The following CALB2 variants were observed in gnomAD, a reference collection of about 807,000 sequenced individuals.
CALB2 encodes calretinin.
CALB2 carries 34 observed loss-of-function variants against 45.9 expected under a neutral mutation model. That is an observed-to-expected ratio of 0.74 (90% CI 0.56 to 0.99). CALB2 has a LOEUF of 0.99. Among genes scored for constraint, CALB2 ranks in the 50% least tolerant of loss-of-function variants. CALB2 has a pLI of 0.00. For synonymous variants in CALB2, 142 were observed against 129.6 expected (o/e 1.10, Z -0.65); for missense variants, 344 against 339.3 (o/e 1.01, Z -0.11).
chr16:71,366,176 G>C (rs573095427), intron 1 of CALB2, among the ~76,000 whole-genome samples: 2 of 147,440 alleles, frequency 1.4e-5, no homozygotes, highest in Non-Finnish European at 3.0e-5. Flanking sequence ...ACGTGTGCCC[G>C]CTACCACGCC....
At chr16:71,384,869 C>G (rs747021326) in intron 9 of CALB2, 33 bp downstream of exon 9, 1 of 1,597,428 alleles carries the variant, frequency 6.3e-7, no homozygotes, top group East Asian at 2.2e-5. Context: ...CAGGGAAAAT[C>G]AGAAGCCCAT....
chr16:71,360,711 C>G (rs1004712291), intron 1 of CALB2, among the ~76,000 whole-genome samples: 3 of 152,174 alleles, frequency 2.0e-5, no homozygotes, highest in African/African-American at 7.2e-5. Flanking sequence ...CAGATCCTTA[C>G]GTTGATCTGA....
intron 4 of CALB2, among the ~76,000 whole-genome samples, chr16:71,380,292 CTTTTTTTTTTTTTTT>C (rs544138378): frequency 5.7e-4 from 25 of 43,822 alleles, no homozygotes; most frequent in South Asian, 1.8e-3. Context: ...CCTTCCTTTT[CTTTTTTTTTTTTTTT>C]TTTTTTTTTT....
chr16:71,378,574 A>T (rs563850472), intron 4 of CALB2, among the ~76,000 whole-genome samples: 1 of 151,946 alleles, frequency 6.6e-6, no homozygotes, highest in African/African-American at 2.4e-5. Flanking sequence ...AGGTAGACAG[A>T]CTCCCTGATC....
intron 2 of CALB2, 52 bp downstream of exon 2, chr16:71,372,281 T>G: frequency 7.6e-7 from 1 of 1,319,086 alleles, no homozygotes; most frequent in Non-Finnish European, 1.1e-6. Flanking sequence ...CCTATGCCTT[T>G]GAGCATGCTG....
At chr16:71,382,166 G>GAAGGAAGGAAGGAAAGAAAATA (rs1567542460) in intron 4 of CALB2, among the ~76,000 whole-genome samples, 7 of 89,870 alleles carry the variant, frequency 7.8e-5, no homozygotes, top group South Asian at 4.3e-4. Flanking sequence ...GAAAATAAAG[G>GAAGGAAGGAAGGAAAGAAAATA]AAGGAAGGAA....
rs534649348 is a variant in CALB2 at position 71,365,169 on chromosome 16, G to A, written c.94+6283G>A. ...GGAGGTTAGAGGACTGTTTGCCTTCGATAAATCTGAACTCCAGATAGACCG... is the reference window on the plus strand; with the variant it reads ...GGAGGTTAGAGGACTGTTTGCCTTCAATAAATCTGAACTCCAGATAGACCG... On this transcript the variant is annotated intron_variant, in intron 1 of 10. Coordinates refer to ENST00000302628, the MANE Select transcript of CALB2 (RefSeq NM_001740.5). Among the ~76,000 whole-genome samples, 14 of 152,284 alleles carry A rather than the reference G, an allele frequency of 9.2e-5. No individual in the cohort carries two copies. The East Asian group carries it at 2.3e-3, about 25-fold the overall frequency.
intron 2 of CALB2, among the ~76,000 whole-genome samples, chr16:71,373,608 C>G (rs1351758361): frequency 6.6e-6 from 1 of 152,168 alleles, no homozygotes; most frequent in Non-Finnish European, 1.5e-5. Flanking sequence ...AGGACTGGTT[C>G]TCAGAGCAGC....
At chr16:71,379,641 C>T (rs1435345108) in intron 4 of CALB2, among the ~76,000 whole-genome samples, 7 of 152,178 alleles carry the variant, frequency 4.6e-5, no homozygotes, top group Non-Finnish European at 1.5e-5. Context: ...TAAATAATAA[C>T]TGGCCTTCGA....
Position 71,385,587 on chromosome 16 carries a change from G to A in CALB2, c.638G>A (p.Gly213Asp). 6.2e-7 allele frequency: 1 copy of A among 1,614,064 alleles called. No individual in the cohort carries two copies. Among genetic ancestry groups the A allele is most frequent in the Non-Finnish European group, 8.5e-7 (1 of 1,179,986 alleles). ...TGCTCCCATCCCCAGGATAGAAGCG[G>A]CTACATTGACGAGCATGAGCTGGAT... ...IFTFYDKDRSGYIDEHELDAL... is the reference protein window; with the variant it reads ...IFTFYDKDRSDYIDEHELDAL... Residue 213 changes from glycine (G) to aspartate (D), a missense_variant, in exon 10 of 11, where the codon GGC (glycine) becomes GAC (aspartate). Physicochemically the swap from Gly to Asp is moderately conservative, Grantham distance 94. Around this residue, in one of 3 missense-constraint regions of CALB2, gnomAD observed 263 missense variants for 241.7 expected, o/e 1.09. Coordinates refer to ENST00000302628, the MANE Select transcript of CALB2 (RefSeq NM_001740.5).
chr16:71,369,206 C>T (rs899997921), intron 1 of CALB2, among the ~76,000 whole-genome samples: 1 of 152,246 alleles, frequency 6.6e-6, no homozygotes. Context: ...TGCAGGCCAG[C>T]GCTGCGAGTG....
At chr16:71,360,685 A>G (rs1216101134) in intron 1 of CALB2, among the ~76,000 whole-genome samples, 2 of 152,226 alleles carry the variant, frequency 1.3e-5, no homozygotes, top group Non-Finnish European at 2.9e-5. Context: ...AAGCAAGAGC[A>G]CTGTCCATAA....
chr16:71,372,033 T>C (rs1435572041), intron 1 of CALB2, 120 bp from the exon 2 acceptor site: 7 of 754,300 alleles, frequency 9.3e-6, no homozygotes, highest in African/African-American at 1.7e-5. Flanking sequence ...TCCACTGGCC[T>C]AGACACCTGC....
chr16:71,379,846 GC>G, intron 4 of CALB2, among the ~76,000 whole-genome samples: 1 of 152,270 alleles, frequency 6.6e-6, no homozygotes, highest in Non-Finnish European at 1.5e-5. Context: ...GTGACAGCTT[GC>G]CTGAGCATCA....
At chr16:71,376,890 G>A (rs2042422926) in intron 3 of CALB2, among the ~76,000 whole-genome samples, 1 of 152,154 alleles carries the variant, frequency 6.6e-6, no homozygotes, top group Non-Finnish European at 1.5e-5. Context: ...CTGCAGAAAG[G>A]ACCCCTCTTA....
Position 71,372,197 on chromosome 16 carries a change from GA to G in CALB2, c.140del (p.Glu47GlyfsTer11). 1 of 1,613,094 alleles carries G rather than the reference GA, an allele frequency of 6.2e-7. No individual in the cohort carries two copies. On this transcript the variant is annotated frameshift_variant, in exon 2 of 11. Transcript: ENST00000302628. LOFTEE classifies it high-confidence loss of function. ...EGKELENFFQ[E>X]LEKARKGSGM... ...TAAAGAGCTAGAAAACTTTTTCCAA[GA>G]GCTGGAGAAGGCAAGGAAAGGCTCT...
intron 4 of CALB2, 66 bp downstream of exon 4, chr16:71,377,813 G>A: frequency 8.6e-7 from 1 of 1,159,920 alleles, no homozygotes; most frequent in Admixed American, 1.7e-5. Flanking sequence ...TTCAGAGCCA[G>A]GCCCACCCTC....
At chr16:71,388,730 C>T (rs1240682837) in intron 10 of CALB2, among the ~76,000 whole-genome samples, 1 of 151,490 alleles carries the variant, frequency 6.6e-6, no homozygotes, top group African/African-American at 2.4e-5. Context: ...CCTGTAATCA[C>T]AGCACTTTGG....
chr16:71,388,334 C>CAAAAAAAA (rs71153632), intron 10 of CALB2, among the ~76,000 whole-genome samples: 1 of 103,416 alleles, frequency 9.7e-6, no homozygotes. Context: ...GACCTTATCT[C>CAAAAAAAA]AAAAAAAAAA....
Sources: gnomAD v4.1 joint callset for allele counts (sites outside exome capture counted in the v4.1 genomes callset) on GRCh38, gnomAD v4.1.1 for gene constraint, gnomAD v4.1.1 regional missense constraint, MANE v1.5 for transcripts, NCBI Gene and HGNC (gene_info 2026-07-23, HGNC 2026-07-21) for gene names.